Variants in YPEL2 observed in about 807,000 individuals in gnomAD.
YPEL2 encodes the protein yippee like 2, also known as protein yippee-like 2.
YPEL2 carries 2 observed loss-of-function variants against 19.1 expected under a neutral mutation model. That is an observed-to-expected ratio of 0.10 (90% CI 0.04 to 0.33). The LOEUF is 0.33. Ranked by LOEUF, YPEL2 falls within the 10% of genes least tolerant of loss-of-function variation. YPEL2 has a pLI of 1.00. For missense variants in YPEL2, 66 were observed against 140.7 expected, an observed-to-expected ratio of 0.47 and a Z score of 2.68; for synonymous variants, 52 against 50.0, an observed-to-expected ratio of 1.04 and a Z score of -0.17.
chr17:59,400,896 C>T lies in YPEL2; in HGVS notation c.*3706C>T, dbSNP rs1334877098. 1 of 152,596 alleles carries T rather than the reference C, an allele frequency of 6.6e-6. No homozygotes were observed. The highest frequency in any genetic ancestry group is 1.5e-5 in the Non-Finnish European group (1 of 68,028). The allele number at this position is 152,596 out of a possible 1,614,324, so 9.5% of individuals were successfully genotyped here. A position where few individuals can be genotyped will look rare whatever the true frequency, so the allele number is the denominator to read the frequency against. The stretch of plus-strand genomic sequence containing the variant: ...TTCTGAGTGGACCAACAGCAGAACC[C>T]ACGAGGATTTGTTTTGAGTATGGAG... On this transcript the variant is annotated 3_prime_UTR_variant, in exon 5 of 5. Coordinates refer to ENST00000312655, the MANE Select transcript of YPEL2 (RefSeq NM_001005404.4).
chr17:59,340,051 C>T (rs1174385819), intron 1 of YPEL2, among the ~76,000 whole-genome samples: 1 of 151,756 alleles, frequency 6.6e-6, no homozygotes, highest in Admixed American at 6.6e-5. Flanking sequence ...TAACCATGGC[C>T]AGGAATGGTT....
At chr17:59,364,536 C>T (rs751157432) in intron 2 of YPEL2, among the ~76,000 whole-genome samples, 3 of 151,892 alleles carry the variant, frequency 2.0e-5, no homozygotes, top group Non-Finnish European at 4.4e-5. Context: ...AACATAGCAG[C>T]TCGTGGTATA....
chr17:59,389,544 T>C (rs1333282677), intron 4 of YPEL2, 76 bp downstream of exon 4: 12 of 1,163,346 alleles, frequency 1.0e-5, no homozygotes, highest in Non-Finnish European at 1.3e-6. Context: ...CACTTTCTTC[T>C]ACTCGCTTTC....
chr17:59,364,611 TC>T lies in YPEL2; in HGVS notation c.117+11086del, dbSNP rs1292243661. 2.9e-3 allele frequency among the ~76,000 whole-genome samples: 391 copies of T among 134,486 alleles called. 3 individuals carry two copies. Among genetic ancestry groups the T allele is most frequent in the Middle Eastern group, 0.023 (6 of 256 alleles). 88.2% of individuals were successfully genotyped at this position (134,486 alleles called of 152,430 possible). A position where few individuals can be genotyped will look rare whatever the true frequency, so the allele number is the denominator to read the frequency against. ...GTGTACATTAAGTAATCCCTCTGTG[TC>T]TTTTTTTTTTTTTTTTTTTTTTTGA... On this transcript the variant is annotated intron_variant, in intron 2 of 4. Coordinates refer to ENST00000312655, the MANE Select transcript of YPEL2 (RefSeq NM_001005404.4).
At chr17:59,338,040 G>T (rs1308268854) in intron 1 of YPEL2, among the ~76,000 whole-genome samples, 3 of 152,210 alleles carry the variant, frequency 2.0e-5, no homozygotes, top group Non-Finnish European at 4.4e-5. Context: ...GCGAGGTGCA[G>T]CAGTGCCACC....
rs571701320 is a variant in YPEL2 at position 59,366,257 on chromosome 17, C to G, written c.117+12731C>G. 3 of 154,240 alleles carry G rather than the reference C, an allele frequency of 1.9e-5. No homozygotes were observed. In the South Asian group the frequency reaches 6.1e-4, roughly 31 times the overall value. 9.6% of individuals were successfully genotyped at this position (154,240 alleles called of 1,614,324 possible). Reference sequence around the variant, plus strand: ...GTGAGCTCCTCTTACGTGTTAGACCCTGGGAATTACAGTGGCAAACAGATG... The same window carrying G: ...GTGAGCTCCTCTTACGTGTTAGACCGTGGGAATTACAGTGGCAAACAGATG... On this transcript the variant is annotated intron_variant, in intron 2 of 4. Transcript: ENST00000312655.
chr17:59,373,607 A>G (rs975327297), intron 2 of YPEL2, among the ~76,000 whole-genome samples: 3 of 152,206 alleles, frequency 2.0e-5, no homozygotes, highest in Non-Finnish European at 4.4e-5. Flanking sequence ...ATGGCTGCTC[A>G]TTAGATATTT....
chr17:59,380,759 G>A (rs1032987616), intron 2 of YPEL2, among the ~76,000 whole-genome samples: 9 of 152,228 alleles, frequency 5.9e-5, no homozygotes, highest in Admixed American at 1.3e-4. Context: ...TTAACACTGT[G>A]TATGAGTGGT....
intron 2 of YPEL2, among the ~76,000 whole-genome samples, chr17:59,358,931 T>C (rs959497987): frequency 2.0e-5 from 3 of 147,808 alleles, no homozygotes; most frequent in Non-Finnish European, 3.0e-5. Flanking sequence ...TTTTTCTTTT[T>C]TTTTTTTTTT....
At position 59,361,832 on chromosome 17, in the gene YPEL2, G is replaced by A. The variant is rs572703240; in HGVS notation, c.117+8306G>A. Among the ~76,000 whole-genome samples the A allele has an allele frequency of 1.1e-4, 17 of 152,310 alleles. No homozygotes were observed. The South Asian group carries it at 3.5e-3, about 32-fold the overall frequency. On this transcript the variant is annotated intron_variant, in intron 2 of 4. Coordinates refer to ENST00000312655, the MANE Select transcript of YPEL2 (RefSeq NM_001005404.4). The stretch of plus-strand genomic sequence containing the variant: ...GAAAATGCAGTTCTGGGAAGACTTG[G>A]TGGAAGAAGTGGCATTGAAGTGTGC...
intron 2 of YPEL2, among the ~76,000 whole-genome samples, chr17:59,361,787 C>CT (rs1419316500): frequency 6.6e-6 from 1 of 152,170 alleles, no homozygotes. Flanking sequence ...CACAACCAAA[C>CT]TTTAAGATCC....
chr17:59,332,234 C>A (rs116942340), intron 1 of YPEL2, among the ~76,000 whole-genome samples: 1,522 of 152,164 alleles, frequency 0.01, 68 homozygotes, highest in East Asian at 0.098. Flanking sequence ...GGGCTGGGGA[C>A]GCCCTCCGTC....
At chr17:59,348,864 T>G (rs566714054) in intron 1 of YPEL2, among the ~76,000 whole-genome samples, 19 of 152,222 alleles carry the variant, frequency 1.2e-4, no homozygotes, top group South Asian at 1.0e-3. Context: ...TGAGTTAAGC[T>G]CCATACTCTT....
At chr17:59,346,539 G>C (rs549193202) in intron 1 of YPEL2, among the ~76,000 whole-genome samples, 2 of 152,160 alleles carry the variant, frequency 1.3e-5, no homozygotes, top group East Asian at 1.9e-4. Context: ...AGGGAGGGAG[G>C]GGCCTTATCA....
intron 1 of YPEL2, among the ~76,000 whole-genome samples, chr17:59,338,873 A>G (rs1336884899): frequency 3.9e-5 from 6 of 152,144 alleles, no homozygotes; most frequent in African/African-American, 1.4e-4. Flanking sequence ...AGGATGGGGA[A>G]TTTGTAACAA....
intron 2 of YPEL2, among the ~76,000 whole-genome samples, chr17:59,383,496 G>A (rs28396195): frequency 0.012 from 1,779 of 142,912 alleles, 38 homozygotes; most frequent in African/African-American, 0.044. Flanking sequence ...TACTCGGGAG[G>A]CTGAGGCAGG....
chr17:59,387,381 C>T (rs544110003), intron 2 of YPEL2, among the ~76,000 whole-genome samples: 1 of 152,046 alleles, frequency 6.6e-6, no homozygotes, highest in East Asian at 1.9e-4. Flanking sequence ...CTATCTGGTG[C>T]TCACCTACCC....
chr17:59,387,563 C>T (rs1401907121), intron 2 of YPEL2, among the ~76,000 whole-genome samples: 2 of 152,170 alleles, frequency 1.3e-5, no homozygotes, highest in African/African-American at 2.4e-5. Flanking sequence ...AGAAGGAAAA[C>T]ATGGACAGGG....
chr17:59,393,244 C>T, intron 4 of YPEL2, among the ~76,000 whole-genome samples: 1 of 151,844 alleles, frequency 6.6e-6, no homozygotes, highest in East Asian at 1.9e-4. Flanking sequence ...CTTCCTGCCT[C>T]AGCCTCATGA....
Sources: allele counts gnomAD v4.1 joint callset (sites outside exome capture counted in the v4.1 genomes callset), GRCh38; gene constraint gnomAD v4.1.1; transcripts MANE v1.5; gene names NCBI Gene and HGNC (gene_info 2026-07-23, HGNC 2026-07-21).